Variants in KDM4C observed in about 807,000 individuals in gnomAD.
KDM4C encodes the protein lysine-specific demethylase 4C.
A neutral mutation model predicts 129.3 loss-of-function variants in KDM4C; 81 were observed. The ratio of observed to expected loss-of-function variants is 0.63; its 90% CI spans 0.52 to 0.75. The LOEUF is 0.75. Ranked by LOEUF, KDM4C falls within the 30% of genes least tolerant of loss-of-function variation. The pLI is 0.00. For synonymous variants in KDM4C, 573 were observed against 456.1 expected (o/e 1.26, Z -3.26); for missense variants, 1,457 against 1,304.0 (o/e 1.12, Z -1.81).
upstream of KDM4C, among the ~76,000 whole-genome samples, chr9:6,756,004 T>G (rs1818247446): frequency 6.6e-6 from 1 of 152,206 alleles, no homozygotes; most frequent in South Asian, 2.1e-4. Context: ...TAAAAAAAAG[T>G]CATACTCTAA....
intron 4 of KDM4C, among the ~76,000 whole-genome samples, chr9:6,821,097 C>A (rs1479509950): frequency 2.0e-5 from 3 of 152,190 alleles, no homozygotes; most frequent in Non-Finnish European, 2.9e-5. Flanking sequence ...ATATGTGCCA[C>A]ATTTTCTTAA....
intron 16 of KDM4C, among the ~76,000 whole-genome samples, chr9:7,047,769 T>C (rs908923911): frequency 6.6e-6 from 1 of 151,988 alleles, no homozygotes; most frequent in Non-Finnish European, 1.5e-5. Context: ...TGATTGTATA[T>C]CCCTATAAGG....
At chr9:6,745,317 G>T (rs1019284189) in intron 1 of KDM4C, among the ~76,000 whole-genome samples, 3 of 151,938 alleles carry the variant, frequency 2.0e-5, no homozygotes, top group African/African-American at 7.2e-5. Context: ...GAAAAATTTA[G>T]GCCAGGGATG....
At chr9:6,922,136 A>G (rs1440070889) in intron 8 of KDM4C, among the ~76,000 whole-genome samples, 1 of 152,202 alleles carries the variant, frequency 6.6e-6, no homozygotes, top group Non-Finnish European at 1.5e-5. Flanking sequence ...TGAATGTATG[A>G]TGACAGAATG....
chr9:7,019,582 G>T (rs974514321), intron 15 of KDM4C, among the ~76,000 whole-genome samples: 14 of 150,740 alleles, frequency 9.3e-5, no homozygotes, highest in Admixed American at 6.0e-4. Context: ...TTCCTTTCAT[G>T]GTAAGTGCTT....
In KDM4C at chr9:7,019,911, C is replaced by T. The variant is rs183485895; in HGVS notation, c.2259+3982C>T. ...CAAAACAGAAAGTGGAGGGTGTACG[C>T]ATGGCTGGAGTCAATAATCATAGAT... On this transcript the variant is annotated intron_variant, in intron 15 of 21. Transcript: ENST00000381309. 3.9e-4 allele frequency among the ~76,000 whole-genome samples: 59 copies of T among 151,748 alleles called. 1 individual carries two copies. The Middle Eastern group carries it at 0.014, about 35-fold the overall frequency.
intron 8 of KDM4C, chr9:6,974,989 T>G (rs936256572): frequency 6.6e-6 from 1 of 152,238 alleles, no homozygotes; most frequent in Non-Finnish European, 1.5e-5. Flanking sequence ...CTGAATCTTT[T>G]GGAGACCCCG....
chr9:6,813,381 A>G (rs1189540446), intron 3 of KDM4C, among the ~76,000 whole-genome samples: 1 of 152,132 alleles, frequency 6.6e-6, no homozygotes, highest in African/African-American at 2.4e-5. Context: ...TGTTCTGGGT[A>G]AATTCAAATT....
intron 8 of KDM4C, among the ~76,000 whole-genome samples, chr9:6,907,527 T>A (rs1416908932): frequency 6.6e-6 from 1 of 152,206 alleles, no homozygotes. Context: ...TTAAAATTTG[T>A]TTCCTCCAGA....
Position 6,830,233 on chromosome 9 carries a change from C to G in KDM4C, c.435+15488C>G, listed in dbSNP as rs147647496. ...GTGGTATGTGAGGAAACCAGGATAA[C>G]CGTGTATAGATATATCTCCAAGATT... On this transcript the variant is annotated intron_variant, in intron 4 of 21. Coordinates refer to ENST00000381309, the MANE Select transcript of KDM4C (RefSeq NM_015061.6). Among the ~76,000 whole-genome samples, 321 of 152,244 alleles carry G rather than the reference C, an allele frequency of 2.1e-3. 3 individuals carry two copies. Among genetic ancestry groups the G allele is most frequent in the African/African-American group, 6.3e-3 (262 of 41,536 alleles).
At chr9:6,866,726 GT>G (rs995796748) in intron 5 of KDM4C, among the ~76,000 whole-genome samples, 1 of 151,916 alleles carries the variant, frequency 6.6e-6, no homozygotes, top group African/African-American at 2.4e-5. Flanking sequence ...TGAGTGGGGG[GT>G]TTATTTTCTG....
chr9:7,082,319 G>A lies in KDM4C; in HGVS notation c.2425-21366G>A, dbSNP rs1443631933. Among the ~76,000 whole-genome samples the A allele has an allele frequency of 3.3e-5, 5 of 152,134 alleles. No individual in the cohort carries two copies. The East Asian group carries it at 9.6e-4, about 29-fold the overall frequency. Reference sequence around the variant, plus strand: ...ATAATGTGTGTTCCACCTGAGTTTCGTTTCAGAATCTTTAGCAAGTGGGAT... The same window carrying A: ...ATAATGTGTGTTCCACCTGAGTTTCATTTCAGAATCTTTAGCAAGTGGGAT... On this transcript the variant is annotated intron_variant, in intron 17 of 21. Transcript: ENST00000381309.
At chr9:6,967,963 C>G (rs116756898) in intron 8 of KDM4C, among the ~76,000 whole-genome samples, 4 of 151,808 alleles carry the variant, frequency 2.6e-5, no homozygotes, top group African/African-American at 9.7e-5. Flanking sequence ...TCATGGGATA[C>G]GAAGATTAAT....
intron 1 of KDM4C, among the ~76,000 whole-genome samples, chr9:6,766,755 A>G (rs1486862701): frequency 6.6e-6 from 1 of 151,772 alleles, no homozygotes; most frequent in Non-Finnish European, 1.5e-5. Flanking sequence ...GCTGATGGGT[A>G]GTGCTGAACA....
At chr9:6,743,708 A>C (rs991767271) in intron 1 of KDM4C, among the ~76,000 whole-genome samples, 2 of 151,974 alleles carry the variant, frequency 1.3e-5, no homozygotes, top group African/African-American at 4.8e-5. Flanking sequence ...GGGTTTCGTC[A>C]TGTGGCTAGG....
intron 17 of KDM4C, among the ~76,000 whole-genome samples, chr9:7,081,091 C>T (rs1049412749): frequency 6.6e-6 from 1 of 152,196 alleles, no homozygotes; most frequent in African/African-American, 2.4e-5. Context: ...TTTGTAGATT[C>T]ACATCAGGCA....
chr9:6,800,279 A>G (rs1426142744), intron 2 of KDM4C, among the ~76,000 whole-genome samples: 2 of 152,160 alleles, frequency 1.3e-5, no homozygotes, highest in African/African-American at 4.8e-5. Context: ...GGACACGAGA[A>G]TCACTTGAAC....
chr9:6,879,376 G>A (rs1000221281), intron 5 of KDM4C, among the ~76,000 whole-genome samples: 2 of 152,012 alleles, frequency 1.3e-5, no homozygotes, highest in Non-Finnish European at 2.9e-5. Context: ...TTCTTTAAGG[G>A]TGAAAATTTT....
intron 19 of KDM4C, among the ~76,000 whole-genome samples, chr9:7,160,370 G>C (rs752899353): frequency 6.6e-6 from 1 of 152,100 alleles, no homozygotes. Flanking sequence ...GCTTTGTTCC[G>C]TTGCTGGCGA....
Sources: allele counts gnomAD v4.1 joint callset (sites outside exome capture counted in the v4.1 genomes callset), GRCh38; gene constraint gnomAD v4.1.1; transcripts MANE v1.5; gene names NCBI Gene and HGNC (gene_info 2026-07-23, HGNC 2026-07-21).